The following SPHKAP variants were observed in gnomAD, a reference collection of about 807,000 sequenced individuals.
SPHKAP encodes A-kinase anchor protein SPHKAP.
A neutral mutation model predicts 137.5 loss-of-function variants in SPHKAP; 67 were observed. That is an observed-to-expected ratio of 0.49 (90% CI 0.40 to 0.60). The LOEUF is 0.60. Among genes scored for constraint, SPHKAP ranks in the 20% least tolerant of loss-of-function variants. The pLI is 0.00. For synonymous variants in SPHKAP, 813 were observed against 785.3 expected, an observed-to-expected ratio of 1.04 and a Z score of -0.59; for missense variants, 2,097 against 2,069.3, an observed-to-expected ratio of 1.01 and a Z score of -0.26.
intron 3 of SPHKAP, 43 bp downstream of exon 3, chr2:228,108,789 C>T: frequency 6.9e-7 from 1 of 1,450,838 alleles, no homozygotes; most frequent in South Asian, 1.2e-5. Flanking sequence ...GTGCCCGCTT[C>T]CCTGCTTTAT....
chr2:228,157,658 T>C (rs531353971), intron 1 of SPHKAP, among the ~76,000 whole-genome samples: 18 of 152,230 alleles, frequency 1.2e-4, no homozygotes, highest in Non-Finnish European at 4.4e-5. Context: ...TCTACTACCT[T>C]GGTTTATGAG....
At chr2:228,159,722 C>T (rs1410887705) in intron 1 of SPHKAP, among the ~76,000 whole-genome samples, 1 of 152,156 alleles carries the variant, frequency 6.6e-6, no homozygotes, top group Admixed American at 6.5e-5. Context: ...AACTGAGGGA[C>T]ATATTAAGGT....
chr2:228,046,291 CTTTTTTTTTTTTT>C (rs58510792), intron 3 of SPHKAP, among the ~76,000 whole-genome samples: 2 of 82,528 alleles, frequency 2.4e-5, no homozygotes, highest in Admixed American at 1.7e-4. Flanking sequence ...TGTTGTTATT[CTTTTTTTTTTTTT>C]TTTTTTTTGG....
intron 7 of SPHKAP, among the ~76,000 whole-genome samples, chr2:227,998,427 C>CT (rs957564121): frequency 5.3e-5 from 8 of 152,138 alleles, no homozygotes; most frequent in African/African-American, 1.9e-4. Flanking sequence ...TCATCAAAAA[C>CT]TAACAGTATT....
chr2:228,064,996 C>CTT (rs1559154750), intron 3 of SPHKAP, among the ~76,000 whole-genome samples: 1 of 152,222 alleles, frequency 6.6e-6, no homozygotes. Flanking sequence ...AAACAAAAAG[C>CTT]ACATTCATTT....
intron 3 of SPHKAP, among the ~76,000 whole-genome samples, chr2:228,040,882 ATTATAT>A (rs1223244215): frequency 1.3e-5 from 2 of 152,188 alleles, no homozygotes; most frequent in Non-Finnish European, 2.9e-5. Flanking sequence ...TATGTAACAC[ATTATAT>A]TTATTTTAGA....
At chr2:228,142,341 A>T (rs1284232396) in intron 1 of SPHKAP, among the ~76,000 whole-genome samples, 1 of 151,768 alleles carries the variant, frequency 6.6e-6, no homozygotes, top group Non-Finnish European at 1.5e-5. Context: ...GTATTCTGTT[A>T]ATTAAAATAA....
intron 1 of SPHKAP, 151 bp from the exon 2 acceptor site, chr2:228,132,236 TC>T: frequency 1.4e-6 from 1 of 716,980 alleles, no homozygotes; most frequent in East Asian, 2.7e-5. Context: ...AATGGACATT[TC>T]TTTGTTGCAT....
intron 7 of SPHKAP, among the ~76,000 whole-genome samples, chr2:228,000,377 G>A (rs1420048808): frequency 1.3e-5 from 2 of 152,182 alleles, no homozygotes; most frequent in Non-Finnish European, 2.9e-5. Context: ...CCAGCACTTT[G>A]GGAGGCCAAG....
At chr2:228,087,542 GA>G (rs1697576679) in intron 3 of SPHKAP, among the ~76,000 whole-genome samples, 2 of 151,260 alleles carry the variant, frequency 1.3e-5, no homozygotes, top group Non-Finnish European at 3.0e-5. Context: ...GGTGCTTAAA[GA>G]AAAAAAGGTA....
chr2:228,098,480 A>G (rs1049576609), intron 3 of SPHKAP, among the ~76,000 whole-genome samples: 1 of 152,164 alleles, frequency 6.6e-6, no homozygotes, highest in Non-Finnish European at 1.5e-5. Flanking sequence ...GATGAAGCTG[A>G]AAACCATCAT....
chr2:228,083,375 C>A (rs1238799816), intron 3 of SPHKAP, among the ~76,000 whole-genome samples: 1 of 152,166 alleles, frequency 6.6e-6, no homozygotes, highest in Admixed American at 6.5e-5. Context: ...TTAATAATTG[C>A]CATTTGACTG....
At chr2:228,180,615 C>T (rs1182629845) in intron 1 of SPHKAP, among the ~76,000 whole-genome samples, 1 of 152,166 alleles carries the variant, frequency 6.6e-6, no homozygotes, top group African/African-American at 2.4e-5. Context: ...GGTGGGGCTG[C>T]GCCGCAGCCA....
At chr2:228,108,328 A>C (rs1033146153) in intron 3 of SPHKAP, among the ~76,000 whole-genome samples, 1 of 152,212 alleles carries the variant, frequency 6.6e-6, no homozygotes, top group Non-Finnish European at 1.5e-5. Flanking sequence ...TTGGAAAAGA[A>C]AGTTTTGTAT....
intron 7 of SPHKAP, among the ~76,000 whole-genome samples, chr2:227,999,923 A>G (rs1002629910): frequency 6.6e-6 from 1 of 152,220 alleles, no homozygotes; most frequent in Non-Finnish European, 1.5e-5. Flanking sequence ...CTCAGTTGGC[A>G]GAGATTTTAG....
At chr2:228,122,333 C>T (rs949050742) in intron 2 of SPHKAP, among the ~76,000 whole-genome samples, 9 of 151,900 alleles carry the variant, frequency 5.9e-5, no homozygotes, top group Non-Finnish European at 7.4e-5. Flanking sequence ...AGGTTCCTTC[C>T]AGGGGCTCTT....
Position 228,018,938 on chromosome 2 carries a change from A to G in SPHKAP, c.1916T>C (p.Phe639Ser). Residue 639 changes from phenylalanine (F) to serine (S), a missense_variant, in exon 7 of 12, where the codon TTT (phenylalanine) becomes TCT (serine). Coordinates refer to ENST00000392056, the MANE Select transcript of SPHKAP (RefSeq NM_001142644.2). ...RPNTYSSIGD[F>S]LDSMNRRIME... ...GATTCTCCTGTTCATGGAGTCCAGA[A>G]AGTCTCCAATGCTGCTGTAGGTATT... The G allele has an allele frequency of 6.2e-7, 1 of 1,614,178 alleles. No homozygotes were observed. Among genetic ancestry groups the G allele is most frequent in the East Asian group, 2.2e-5 (1 of 44,876 alleles).
intron 1 of SPHKAP, chr2:228,132,366 G>T (rs965680133): frequency 1.1e-5 from 2 of 187,886 alleles, no homozygotes; most frequent in Non-Finnish European, 2.0e-5. Context: ...TACTGGCCTT[G>T]TTAGCATCTT....
Position 228,079,005 on chromosome 2 carries a change from C to G in SPHKAP, c.246+29827G>C, listed in dbSNP as rs752387850. ...ACTCAGTGTTTGGGCCTCTGCATTA[C>G]CAGGCTGACCCTAACGGCCACAGCA... On this transcript the variant is annotated intron_variant, in intron 3 of 11. Transcript: ENST00000392056. Among the ~76,000 whole-genome samples the G allele has an allele frequency of 1.2e-4, 19 of 152,102 alleles. 1 individual carries two copies. Among genetic ancestry groups the G allele is most frequent in the South Asian group, 8.3e-4 (4 of 4,822 alleles).
Sources: allele counts gnomAD v4.1 joint callset (sites outside exome capture counted in the v4.1 genomes callset), GRCh38; gene constraint gnomAD v4.1.1; transcripts MANE v1.5; gene names NCBI Gene and HGNC (gene_info 2026-07-23, HGNC 2026-07-21).